KCNH7: variants seen among roughly 807,000 people sequenced by gnomAD.
KCNH7 encodes potassium voltage-gated channel subfamily H member 7, also known as voltage-gated inwardly rectifying potassium channel KCNH7.
In KCNH7, 49 loss-of-function variants were observed where a neutral mutation model predicts 120.8. The observed-to-expected ratio is 0.41, with a 90% CI of 0.32 to 0.51. The LOEUF (loss-of-function observed/expected upper bound fraction) is 0.51, where lower values mean the gene tolerates loss of function less well. KCNH7 is among the 20% of genes least tolerant of loss of function. KCNH7 has a pLI of 0.38. For synonymous variants in KCNH7, 547 were observed against 516.1 expected (o/e 1.06, Z -0.81); for missense variants, 1,097 against 1,446.6 (o/e 0.76, Z 3.92).
chr2:162,585,128 G>A (rs1451394952), intron 2 of KCNH7, among the ~76,000 whole-genome samples: 2 of 151,902 alleles, frequency 1.3e-5, no homozygotes, highest in Admixed American at 6.6e-5. Context: ...GGAACTGCTG[G>A]GTGTGGGCTC....
In KCNH7 at chr2:162,384,868, CA is replaced by C; in HGVS notation, c.2781del (p.Phe927LeufsTer26). On this transcript the variant is annotated frameshift_variant, in exon 13 of 16. Transcript: ENST00000332142. LOFTEE classifies it high-confidence loss of function. Reference sequence around the variant, plus strand: ...GATGAGGATCTGCTTTTTTTCTCTTCAAAGTGTCTCTTGGAACTCTGATAAT... The same window carrying C: ...GATGAGGATCTGCTTTTTTTCTCTTCAAGTGTCTCTTGGAACTCTGATAAT... ...IRHYQSSKRH[F>X]EEKKSRSSSF... 1 of 1,612,506 alleles carries C rather than the reference CA, an allele frequency of 6.2e-7. No homozygotes were observed. Among genetic ancestry groups the C allele is most frequent in the Non-Finnish European group, 8.5e-7 (1 of 1,178,890 alleles).
At chr2:162,758,030 A>G (rs1483947421) in intron 2 of KCNH7, among the ~76,000 whole-genome samples, 1 of 152,182 alleles carries the variant, frequency 6.6e-6, no homozygotes, top group East Asian at 1.9e-4. Flanking sequence ...TTATATGCAG[A>G]TATGGTCTAA....
chr2:162,682,421 G>C lies in KCNH7; in HGVS notation c.308-145341C>G, dbSNP rs201038412. On this transcript the variant is annotated intron_variant, in intron 2 of 15. Transcript: ENST00000332142. ...AGTTGTCCTGAGAGACAGAGACAGA[G>C]AGAGAGAGAGAGAGAGAGAGACTAT... Among the ~76,000 whole-genome samples the C allele has an allele frequency of 1.5e-4, 17 of 113,126 alleles. 1 individual carries two copies. Among genetic ancestry groups the C allele is most frequent in the Non-Finnish European group, 2.7e-4 (14 of 52,528 alleles). 74.2% of individuals were successfully genotyped at this position (113,126 alleles called of 152,430 possible).
intron 2 of KCNH7, among the ~76,000 whole-genome samples, chr2:162,707,540 T>C (rs1686758578): frequency 6.6e-6 from 1 of 152,134 alleles, no homozygotes; most frequent in Non-Finnish European, 1.5e-5. Flanking sequence ...AAAGAAATAT[T>C]GATCAAGCAC....
At chr2:162,786,000 T>C (rs1200632397) in intron 2 of KCNH7, among the ~76,000 whole-genome samples, 1 of 152,088 alleles carries the variant, frequency 6.6e-6, no homozygotes, top group Non-Finnish European at 1.5e-5. Context: ...CCCAGTACTT[T>C]GGGAGGCCAA....
intron 2 of KCNH7, among the ~76,000 whole-genome samples, chr2:162,715,363 C>T (rs1281810098): frequency 1.3e-5 from 2 of 152,116 alleles, no homozygotes; most frequent in African/African-American, 2.4e-5. Context: ...AATCTATAAG[C>T]GACCCACCCC....
chr2:162,683,186 C>T (rs1031452217), intron 2 of KCNH7, among the ~76,000 whole-genome samples: 1 of 151,794 alleles, frequency 6.6e-6, no homozygotes, highest in African/African-American at 2.4e-5. Context: ...TGCTTAGAGA[C>T]ACATTATATT....
At chr2:162,808,558 C>T (rs1684628817) in intron 2 of KCNH7, among the ~76,000 whole-genome samples, 1 of 152,096 alleles carries the variant, frequency 6.6e-6, no homozygotes, top group African/African-American at 2.4e-5. Flanking sequence ...AATTTAAAAA[C>T]TGTCAATTCA....
chr2:162,833,694 G>A (rs568505298), intron 2 of KCNH7, among the ~76,000 whole-genome samples: 1 of 152,178 alleles, frequency 6.6e-6, no homozygotes, highest in East Asian at 1.9e-4. Context: ...AGTAGGAAGT[G>A]GTGTTTCAAA....
intron 2 of KCNH7, among the ~76,000 whole-genome samples, chr2:162,788,242 T>C (rs984563537): frequency 6.6e-6 from 1 of 152,196 alleles, no homozygotes; most frequent in Non-Finnish European, 1.5e-5. Flanking sequence ...TTGATTGAGA[T>C]ATTAAATGCA....
chr2:162,489,598 T>C (rs1354365183), intron 6 of KCNH7, among the ~76,000 whole-genome samples: 1 of 152,198 alleles, frequency 6.6e-6, no homozygotes, highest in Non-Finnish European at 1.5e-5. Flanking sequence ...TTGAAGACAA[T>C]GATCTTATTT....
chr2:162,560,898 C>G (rs190781643), intron 2 of KCNH7, among the ~76,000 whole-genome samples: 1 of 152,166 alleles, frequency 6.6e-6, no homozygotes, highest in African/African-American at 2.4e-5. Context: ...ATGGCTTCTT[C>G]CATAATTCAC....
At chr2:162,649,993 T>A (rs1481688723) in intron 2 of KCNH7, among the ~76,000 whole-genome samples, 1 of 152,190 alleles carries the variant, frequency 6.6e-6, no homozygotes, top group Non-Finnish European at 1.5e-5. Flanking sequence ...AGAAAAACAG[T>A]TGCTTCCAGC....
intron 2 of KCNH7, among the ~76,000 whole-genome samples, chr2:162,555,529 T>C (rs1692824026): frequency 6.6e-6 from 1 of 152,246 alleles, no homozygotes; most frequent in African/African-American, 2.4e-5. Context: ...TCTTCAGATA[T>C]GTGTGCATAT....
intron 3 of KCNH7, among the ~76,000 whole-genome samples, chr2:162,520,864 A>T (rs1355420458): frequency 1.3e-5 from 2 of 151,842 alleles, no homozygotes; most frequent in South Asian, 2.1e-4. Context: ...CTCTTTGGGG[A>T]TGGAAGACAA....
intron 3 of KCNH7, among the ~76,000 whole-genome samples, chr2:162,526,402 A>G (rs1041929249): frequency 4.6e-5 from 7 of 151,816 alleles, no homozygotes; most frequent in Non-Finnish European, 8.8e-5. Context: ...TTAGACGGGA[A>G]TTTCCTCGTC....
At chr2:162,384,654 A>C in intron 13 of KCNH7, 34 bp downstream of exon 13, 1 of 1,605,466 alleles carries the variant, frequency 6.2e-7, no homozygotes, top group Non-Finnish European at 8.5e-7. Context: ...ATTAGCACTG[A>C]AGAGAGACCA....
rs1000140651 is a variant in KCNH7 at position 162,429,771 on chromosome 2, G to A, written c.1954+5427C>T. 2.7e-5 allele frequency among the ~76,000 whole-genome samples: 4 copies of A among 150,054 alleles called. No homozygotes were observed. The East Asian group carries it at 7.7e-4, about 29-fold the overall frequency. On this transcript the variant is annotated intron_variant, in intron 8 of 15. Coordinates refer to ENST00000332142, the MANE Select transcript of KCNH7 (RefSeq NM_033272.4). ...ATTTTATTCATACTTAACTTGTTTGGGATTCACTGGACTTCTTGGATATGT... is the reference window on the plus strand; with the variant it reads ...ATTTTATTCATACTTAACTTGTTTGAGATTCACTGGACTTCTTGGATATGT...
Position 162,517,959 on chromosome 2 carries a change from C to A in KCNH7, c.663G>T (p.Gln221His). 1 of 1,612,428 alleles carries A rather than the reference C, an allele frequency of 6.2e-7. No individual in the cohort carries two copies. Among genetic ancestry groups the A allele is most frequent in the African/African-American group, 1.3e-5 (1 of 74,872 alleles). Reference protein sequence around the residue: ...SEADDTKALIQPSKCSPLVNI... With the variant: ...SEADDTKALIHPSKCSPLVNI... ...TCACCAAGGGAGAACATTTGCTGGGCTGTATCAAAGCTTTTGTGTCATCTG... is the reference window on the plus strand; with the variant it reads ...TCACCAAGGGAGAACATTTGCTGGGATGTATCAAAGCTTTTGTGTCATCTG... The change falls in exon 4 of 16, where the codon CAG becomes CAT. Residue 221 changes from glutamine to histidine, a missense_variant. Physicochemically the swap from Gln to His is conservative, Grantham distance 24 (BLOSUM62 0). Transcript: ENST00000332142.
Sources: allele counts gnomAD v4.1 joint callset (sites outside exome capture counted in the v4.1 genomes callset), GRCh38; gene constraint gnomAD v4.1.1; transcripts MANE v1.5; gene names NCBI Gene and HGNC (gene_info 2026-07-23, HGNC 2026-07-21).